The following VWA2 variants were observed in gnomAD, a reference collection of about 807,000 sequenced individuals.
VWA2 encodes the protein von Willebrand factor A domain containing 2, also known as von Willebrand factor A domain-containing protein 2.
In VWA2, 73 loss-of-function variants were observed where a neutral mutation model predicts 70.4. That is an observed-to-expected ratio of 1.04 (90% confidence interval 0.86 to 1.26). The LOEUF is 1.26. Among genes scored for constraint, VWA2 ranks in the 50% most tolerant of loss-of-function variants. The pLI, the probability that VWA2 is intolerant of heterozygous loss-of-function variation, is 0.00. For missense variants in VWA2, 1,011 were observed against 998.5 expected (o/e 1.01, Z -0.17); for synonymous variants, 407 against 423.3 (o/e 0.96, Z 0.47).
chr10:114,270,890 C>T (rs991657859), intron 5 of VWA2, among the ~76,000 whole-genome samples: 2 of 152,212 alleles, frequency 1.3e-5, no homozygotes, highest in African/African-American at 4.8e-5. Context: ...CTCCAGAACA[C>T]AGGTTACATT....
chr10:114,255,729 T>C (rs940247700), intron 4 of VWA2, among the ~76,000 whole-genome samples: 2 of 152,110 alleles, frequency 1.3e-5, no homozygotes, highest in Admixed American at 6.5e-5. Flanking sequence ...GTCTTAAATA[T>C]AGCAGAGTGT....
At chr10:114,291,169 A>G in intron 13 of VWA2, 49 bp from the exon 14 acceptor site, 1 of 1,550,030 alleles carries the variant, frequency 6.5e-7, no homozygotes, top group Non-Finnish European at 8.7e-7. Context: ...TGGAGGGCTG[A>G]GAAGGGGATG....
At chr10:114,271,642 C>G (rs576560625) in intron 5 of VWA2, among the ~76,000 whole-genome samples, 13 of 151,600 alleles carry the variant, frequency 8.6e-5, no homozygotes, top group South Asian at 6.3e-4. Flanking sequence ...CACACACACA[C>G]AGCAGGTAAT....
chr10:114,241,408 G>C (rs913205359), intron 1 of VWA2, among the ~76,000 whole-genome samples: 1 of 152,102 alleles, frequency 6.6e-6, no homozygotes, highest in African/African-American at 2.4e-5. Flanking sequence ...TCTTTCTACT[G>C]TCTCAATAGT....
In VWA2 at chr10:114,292,780, A is replaced by C. The variant is rs1323606232; in HGVS notation, c.*1543A>C. On this transcript the variant is annotated 3_prime_UTR_variant, in exon 14 of 14. Transcript: ENST00000392982. ...GAGTGCAGTGGTACAATCTTGGCTC[A>C]CTGCAACCTTTGCCTCCCAGGTTGA... is the stretch of plus-strand genomic sequence containing the variant. Among the ~76,000 whole-genome samples, 1 of 152,006 alleles carries C rather than the reference A, an allele frequency of 6.6e-6. No individual in the cohort carries two copies. The highest frequency in any genetic ancestry group is 1.5e-5 in the Non-Finnish European group (1 of 68,018).
chr10:114,267,838 A>T (rs529688915), intron 5 of VWA2, among the ~76,000 whole-genome samples: 3 of 152,138 alleles, frequency 2.0e-5, no homozygotes, highest in Non-Finnish European at 4.4e-5. Flanking sequence ...GCTGGTTTGA[A>T]ATCTAGATTT....
intron 5 of VWA2, among the ~76,000 whole-genome samples, chr10:114,269,986 T>G (rs2037672147): frequency 6.6e-6 from 1 of 152,174 alleles, no homozygotes; most frequent in South Asian, 2.1e-4. Flanking sequence ...TTGGCAAACT[T>G]TTTCAGTAAA....
chr10:114,243,996 G>A (rs2037019270), intron 1 of VWA2, among the ~76,000 whole-genome samples: 1 of 152,238 alleles, frequency 6.6e-6, no homozygotes, highest in Admixed American at 6.5e-5. Flanking sequence ...ATTAGCATGA[G>A]TAATGGAACA....
intron 10 of VWA2, 66 bp from the exon 11 acceptor site, chr10:114,285,873 C>G (rs955514017): frequency 9.6e-6 from 14 of 1,462,300 alleles, no homozygotes; most frequent in Non-Finnish European, 1.3e-5. Context: ...TTCGGCATCT[C>G]GGGTGGGACA....
intron 1 of VWA2, chr10:114,246,119 C>T: frequency 1.3e-6 from 1 of 798,860 alleles, no homozygotes; most frequent in Non-Finnish European, 2.0e-6. Context: ...GAAGGTAGAT[C>T]TCTGGAGCCT....
chr10:114,290,157 T>C, intron 12 of VWA2, 83 bp from the exon 13 acceptor site: 2 of 1,510,234 alleles, frequency 1.3e-6, no homozygotes, highest in Non-Finnish European at 1.8e-6. Context: ...GCCTTGCACC[T>C]CTACTGGGCT....
chr10:114,281,599 C>A (rs1443899809), intron 8 of VWA2: 1 of 316,430 alleles, frequency 3.2e-6, no homozygotes, highest in African/African-American at 2.3e-5. Context: ...CTCCAGCAGA[C>A]CTGAGAAGTC....
intron 5 of VWA2, among the ~76,000 whole-genome samples, chr10:114,263,942 G>A (rs1337762686): frequency 1.3e-5 from 2 of 152,184 alleles, no homozygotes; most frequent in Non-Finnish European, 2.9e-5. Flanking sequence ...AGGAAATGCA[G>A]ATCAGAACCT....
intron 2 of VWA2, among the ~76,000 whole-genome samples, chr10:114,251,112 G>A (rs2037186840): frequency 6.6e-6 from 1 of 152,242 alleles, no homozygotes; most frequent in Non-Finnish European, 1.5e-5. Context: ...CATCTGTAAA[G>A]TGAAAGAATT....
chr10:114,245,209 G>C (rs11594961), intron 1 of VWA2, among the ~76,000 whole-genome samples: 5 of 151,964 alleles, frequency 3.3e-5, no homozygotes, highest in African/African-American at 1.2e-4. Context: ...CAGAAACTTG[G>C]GCGCCTCTGG....
intron 5 of VWA2, among the ~76,000 whole-genome samples, chr10:114,268,443 C>T (rs1290274134): frequency 2.0e-5 from 3 of 152,134 alleles, no homozygotes; most frequent in African/African-American, 7.2e-5. Context: ...AGTTTAGACC[C>T]TTCTCTGGAC....
At chr10:114,289,951 C>T (rs2039393193) in intron 12 of VWA2, 1 of 279,194 alleles carries the variant, frequency 3.6e-6, no homozygotes, top group Admixed American at 4.7e-5. Flanking sequence ...AAGATCGCGC[C>T]ATTGTACTCC....
intron 4 of VWA2, among the ~76,000 whole-genome samples, chr10:114,258,373 T>C (rs1016527081): frequency 6.6e-6 from 1 of 152,202 alleles, no homozygotes; most frequent in Non-Finnish European, 1.5e-5. Flanking sequence ...GTCTTCCTCT[T>C]AACACTTAAA....
At chr10:114,245,450 C>A (rs1209030809) in intron 1 of VWA2, among the ~76,000 whole-genome samples, 1 of 152,148 alleles carries the variant, frequency 6.6e-6, no homozygotes, top group African/African-American at 2.4e-5. Flanking sequence ...CCTGCCAGTG[C>A]CCAGGGTCAG....
Sources: allele counts gnomAD v4.1 joint callset (sites outside exome capture counted in the v4.1 genomes callset), GRCh38; gene constraint gnomAD v4.1.1; transcripts MANE v1.5; gene names NCBI Gene and HGNC (gene_info 2026-07-23, HGNC 2026-07-21).